Variants in CELSR1 observed in about 807,000 individuals in gnomAD.
CELSR1 encodes cadherin EGF LAG seven-pass G-type receptor 1, also known as adhesion G protein-coupled receptor C1.
CELSR1 carries 110 observed loss-of-function variants against 249.1 expected under a neutral mutation model. The observed-to-expected ratio is 0.44, with a 90% CI of 0.38 to 0.52. CELSR1 has a LOEUF of 0.52. Among genes scored for constraint, CELSR1 ranks in the 20% least tolerant of loss-of-function variants. The probability of loss-of-function intolerance (pLI) is 0.00; values close to 1 mark genes in which losing one functional copy is unlikely to be tolerated. For missense variants in CELSR1, 4,109 were observed against 4,296.4 expected (o/e 0.96, Z 1.22); for synonymous variants, 2,113 against 1,900.0 (o/e 1.11, Z -2.92).
chr22:46,422,503 G>T (rs180872417), intron 5 of CELSR1, among the ~76,000 whole-genome samples: 212 of 120,228 alleles, frequency 1.8e-3, no homozygotes, highest in Admixed American at 0.013. Context: ...GGAGGCCAAG[G>T]GGGGGCGGAT....
rs201049711 is a variant in CELSR1 at position 46,409,046 on chromosome 22, T to C, written c.5176A>G (p.Ser1726Gly). ...CCACTGGTGGCCTCCATCAGAACGC[T>C]GTCCTCCTTCCGGGTCCGGAACATG... ...GLMFRTRKEDSVLMEATSGGP... is the reference protein window; with the variant it reads ...GLMFRTRKEDGVLMEATSGGP... The change falls in exon 9 of 35, where the codon AGC becomes GGC. Residue 1726 changes from serine to glycine, a missense_variant. Transcript: ENST00000674500. The surrounding 1 kb of genome is among the most constrained non-coding windows in gnomAD (Gnocchi z 9.8). The C allele has an allele frequency of 4.6e-5, 74 of 1,613,124 alleles. No homozygotes were observed. The highest frequency in any genetic ancestry group is 1.7e-4 in the Admixed American group (10 of 59,968).
chr22:46,468,779 C>T lies in CELSR1; in HGVS notation c.3545-4434G>A, dbSNP rs191307427. Among the ~76,000 whole-genome samples the T allele has an allele frequency of 2.8e-4, 42 of 152,220 alleles. No homozygotes were observed. Among genetic ancestry groups the T allele is most frequent in the Admixed American group, 5.9e-4 (9 of 15,278 alleles). On this transcript the variant is annotated intron_variant, in intron 1 of 34. Transcript: ENST00000674500. This position sits in a 1 kb window ranked among gnomAD's most constrained non-coding sequence, Gnocchi z 4.5. Reference sequence around the variant, plus strand: ...ACGTATGTGTATTTTACCACAATTACAAATTTTTTTAATAGGCCAGTCTCA... The same window carrying T: ...ACGTATGTGTATTTTACCACAATTATAAATTTTTTTAATAGGCCAGTCTCA...
rs760482457 is a variant in CELSR1, at chr22:46,364,186, G to A, written c.8845C>T (p.Arg2949Trp). The change falls in exon 34 of 35, where the codon CGG becomes TGG. Residue 2949 changes from arginine to tryptophan, a missense_variant. By Grantham distance (101) the Arg-to-Trp change is moderately radical. Around this residue, in one of 7 missense-constraint regions of CELSR1, gnomAD observed 1,805 missense variants for 1,831.6 expected, o/e 0.99. Coordinates refer to ENST00000674500, the MANE Select transcript of CELSR1 (RefSeq NM_001378328.1). ...CAGTCGGCCAGCTTCTCCCGGAGCC[G>A]GCCCTTCAGCGTCTGCTCCGTCAGC... is the stretch of plus-strand genomic sequence containing the variant. The part of the protein sequence containing the change: ...LTLTEQTLKG[R>W]LREKLADCEQ... The A allele has an allele frequency of 1.7e-5, 27 of 1,611,976 alleles. No homozygotes were observed. The highest frequency in any genetic ancestry group is 2.1e-5 in the Non-Finnish European group (25 of 1,179,828).
chr22:46,403,874 G>A (rs2079234540), intron 9 of CELSR1, among the ~76,000 whole-genome samples: 1 of 149,740 alleles, frequency 6.7e-6, no homozygotes, highest in African/African-American at 2.5e-5. Context: ...TAAGGAGGCT[G>A]AGGCAAGGGA....
rs561435024 is a variant in CELSR1 at position 46,395,238 on chromosome 22, G to A, written c.5844-976C>T. On this transcript the variant is annotated intron_variant, in intron 13 of 34. Transcript: ENST00000674500. This position sits in a 1 kb window ranked among gnomAD's most constrained non-coding sequence, Gnocchi z 5.5. ...TGGTGACTGTGGCGCCGGGCATGGA[G>A]ATGCTGGATCAGCCTCTTGGCAACT... 8.7e-4 allele frequency among the ~76,000 whole-genome samples: 132 copies of A among 152,310 alleles called. 1 individual carries two copies. Among genetic ancestry groups the A allele is most frequent in the Non-Finnish European group, 1.3e-3 (89 of 68,016 alleles).
intron 1 of CELSR1, among the ~76,000 whole-genome samples, chr22:46,483,715 G>A (rs2080289036): frequency 6.6e-6 from 1 of 152,106 alleles, no homozygotes; most frequent in Non-Finnish European, 1.5e-5. Context: ...CAAGGGATGT[G>A]GGGCCCAGAA....
In CELSR1 at chr22:46,534,045, G is replaced by A; in HGVS notation, c.3126C>T (p.Asp1042=). 1 of 1,613,728 alleles carries A rather than the reference G, an allele frequency of 6.2e-7. No individual in the cohort carries two copies. The highest frequency in any genetic ancestry group is 1.7e-5 in the Admixed American group (1 of 60,028). ...GGTCCAGCTGGAAGAAATGCCGCATGTCCCCTTCCACAATCTGATACATGA... is the reference window on the plus strand; with the variant it reads ...GGTCCAGCTGGAAGAAATGCCGCATATCCCCTTCCACAATCTGATACATGA... ...AQIMYQIVEG[D]MRHFFQLDLL... is the part of the protein sequence containing the mutation. Residue 1042 remains aspartate, a synonymous_variant, in exon 1 of 35, where the codon GAC becomes GAT. Coordinates refer to ENST00000674500, the MANE Select transcript of CELSR1 (RefSeq NM_001378328.1). This position sits in a 1 kb window ranked among gnomAD's most constrained non-coding sequence, Gnocchi z 9.7.
In CELSR1 at chr22:46,408,682, A is replaced by AGGCTC. The variant is rs1185094426; in HGVS notation, c.5226+309_5226+313dup. ...GGTGAGGCTCACTGTTTCCGCCTGAAGGCTCGGCACCTCCCTCAGTTCTGC... is the reference window on the plus strand; with the variant it reads ...GGTGAGGCTCACTGTTTCCGCCTGAAGGCTCGGCTCGGCACCTCCCTCAGTTCTGC... On this transcript the variant is annotated intron_variant, in intron 9 of 34. Coordinates refer to ENST00000674500, the MANE Select transcript of CELSR1 (RefSeq NM_001378328.1). This position sits in a 1 kb window ranked among gnomAD's most constrained non-coding sequence, Gnocchi z 4.6. Among the ~76,000 whole-genome samples, 5 of 152,154 alleles carry AGGCTC rather than the reference A, an allele frequency of 3.3e-5. No homozygotes were observed. Among genetic ancestry groups the AGGCTC allele is most frequent in the Non-Finnish European group, 7.4e-5 (5 of 68,016 alleles).
At chr22:46,387,718 G>T (rs2147241572) in intron 18 of CELSR1, among the ~76,000 whole-genome samples, 1 of 152,272 alleles carries the variant, frequency 6.6e-6, no homozygotes, top group Non-Finnish European at 1.5e-5. Flanking sequence ...ATAAGCCAGA[G>T]AGACTGTGGG....
chr22:46,365,539 G>A (rs768018062), intron 31 of CELSR1, 47 bp downstream of exon 31: 38 of 1,550,140 alleles, frequency 2.5e-5, no homozygotes, highest in South Asian at 3.5e-5. Flanking sequence ...CCGAAGGGAC[G>A]TGGGAAAAAC....
intron 5 of CELSR1, among the ~76,000 whole-genome samples, chr22:46,422,509 C>A (rs145851069): frequency 0.04 from 6,057 of 150,548 alleles, 217 homozygotes; most frequent in Non-Finnish European, 0.058. Flanking sequence ...CAAGGGGGGG[C>A]GGATCACGAG....
chr22:46,414,376 C>CG (rs372767796), intron 5 of CELSR1, among the ~76,000 whole-genome samples: 28 of 152,324 alleles, frequency 1.8e-4, no homozygotes, highest in African/African-American at 6.5e-4. Context: ...CACAGAGGAG[C>CG]GGGGGGATCT....
chr22:46,528,664 C>T (rs1237247707), intron 1 of CELSR1, among the ~76,000 whole-genome samples: 1 of 152,216 alleles, frequency 6.6e-6, no homozygotes, highest in Non-Finnish European at 1.5e-5. Flanking sequence ...CGCGGTGGCT[C>T]ACGCCTGTAA....
Position 46,365,614 on chromosome 22 carries a change from G to T in CELSR1, c.8376C>A (p.Leu2792=), listed in dbSNP as rs764547876. 1 of 1,594,672 alleles carries T rather than the reference G, an allele frequency of 6.3e-7. No individual in the cohort carries two copies. Among genetic ancestry groups the T allele is most frequent in the Non-Finnish European group, 8.5e-7 (1 of 1,171,276 alleles). ...RGSHGEPDAS[L]MPRSCKDPPG... ...GGGGATCCTTGCAGCTCCTGGGCAT[G>T]AGGGACGCGTCTGGCTCTCCGTGGC... Residue 2792 remains leucine (L), a synonymous_variant, in exon 31 of 35, where the codon CTC becomes CTA. Transcript: ENST00000674500.
At chr22:46,421,013 T>C (rs1340509167) in intron 5 of CELSR1, among the ~76,000 whole-genome samples, 1 of 151,896 alleles carries the variant, frequency 6.6e-6, no homozygotes, top group Non-Finnish European at 1.5e-5. Flanking sequence ...AGATGCTGGG[T>C]CCATGGCTCC....
At chr22:46,372,179 CCCATCCATCTACTCACTCACCCCTCCAA>C (rs1385247055) in intron 25 of CELSR1, among the ~76,000 whole-genome samples, 2 of 149,242 alleles carry the variant, frequency 1.3e-5, no homozygotes, top group African/African-American at 5.0e-5. Context: ...TCACCCCTCA[CCCATCCATCTACTCACTCACCCCTCCAA>C]CCATCCATCT....
chr22:46,465,954 C>A (rs1375970815), intron 1 of CELSR1, among the ~76,000 whole-genome samples: 1 of 152,158 alleles, frequency 6.6e-6, no homozygotes, highest in African/African-American at 2.4e-5. Context: ...TTCAGGACAG[C>A]GTGGCAAGTC....
At chr22:46,466,040 G>T (rs1276907732) in intron 1 of CELSR1, among the ~76,000 whole-genome samples, 1 of 152,146 alleles carries the variant, frequency 6.6e-6, no homozygotes, top group Non-Finnish European at 1.5e-5. Context: ...CATAAACCCA[G>T]AGCCCTTCGA....
In CELSR1 at chr22:46,410,641, G is replaced by A. The variant is rs1000230838; in HGVS notation, c.4770-80C>T. 6.9e-7 allele frequency: 1 copy of A among 1,450,018 alleles called. No homozygotes were observed. The highest frequency in any genetic ancestry group is 9.5e-7 in the Non-Finnish European group (1 of 1,047,966). 89.8% of individuals were successfully genotyped at this position (1,450,018 alleles called of 1,614,324 possible). ...CGGGCTGGGCTCCGCAGTTGCCTCT[G>A]TGTAGCCTCTACCACCATAACTACT... On this transcript the variant is annotated intron_variant, in intron 6 of 34. Coordinates refer to ENST00000674500, the MANE Select transcript of CELSR1 (RefSeq NM_001378328.1). This position sits in a 1 kb window ranked among gnomAD's most constrained non-coding sequence, Gnocchi z 6.8.
Sources: allele counts gnomAD v4.1 joint callset (sites outside exome capture counted in the v4.1 genomes callset), GRCh38; gene constraint gnomAD v4.1.1; regional missense constraint gnomAD v4.1.1; non-coding constraint Gnocchi (gnomAD v3.1); transcripts MANE v1.5; gene names NCBI Gene and HGNC (gene_info 2026-07-23, HGNC 2026-07-21).